Variants in MAST4 observed in about 807,000 individuals in gnomAD.
MAST4 encodes the protein microtubule associated serine/threonine kinase family member 4.
MAST4 carries 89 observed loss-of-function variants against 162.7 expected under a neutral mutation model. That is an observed-to-expected ratio of 0.55 (90% CI 0.46 to 0.65). The LOEUF (loss-of-function observed/expected upper bound fraction) is 0.65, where lower values mean the gene tolerates loss of function less well. Ranked by LOEUF, MAST4 falls within the 30% of genes least tolerant of loss-of-function variation. The probability of loss-of-function intolerance (pLI) is 0.00; values close to 1 mark genes in which losing one functional copy is unlikely to be tolerated. For synonymous variants in MAST4, 1,479 were observed against 1,361.1 expected, an observed-to-expected ratio of 1.09 and a Z score of -1.91; for missense variants, 3,153 against 3,374.0, an observed-to-expected ratio of 0.93 and a Z score of 1.62.
rs367759675 is a variant in MAST4 at position 66,815,954 on chromosome 5, A to G, written c.642+27160A>G. Among the ~76,000 whole-genome samples, 19 of 152,274 alleles carry G rather than the reference A, an allele frequency of 1.2e-4. No individual in the cohort carries two copies. In the East Asian group the frequency reaches 3.7e-3, roughly 29 times the overall value. ...AGAAACCTCAAGGAGGAAAAGGAGG[A>G]GGAACCTGTTAGCTTTTAATAATTG... On this transcript the variant is annotated intron_variant, in intron 3 of 28. Coordinates refer to ENST00000403625, the MANE Select transcript of MAST4 (RefSeq NM_001164664.2).
At chr5:66,820,524 G>A (rs1756942132) in intron 3 of MAST4, among the ~76,000 whole-genome samples, 1 of 152,168 alleles carries the variant, frequency 6.6e-6, no homozygotes. Flanking sequence ...TAGACATGAA[G>A]GGACATAATT....
intron 4 of MAST4, among the ~76,000 whole-genome samples, chr5:66,963,127 GATAAA>G (rs1471332107): frequency 3.3e-5 from 5 of 152,092 alleles, no homozygotes; most frequent in African/African-American, 1.2e-4. Context: ...CTCTCTGGAA[GATAAA>G]ATAATATATA....
At chr5:66,616,119 A>G (rs560781003) in intron 1 of MAST4, among the ~76,000 whole-genome samples, 32 of 152,336 alleles carry the variant, frequency 2.1e-4, no homozygotes, top group African/African-American at 7.0e-4. Flanking sequence ...GGAAAACTTT[A>G]TTTTGTAGCT....
chr5:66,789,179 C>T (rs1279026622), intron 3 of MAST4, among the ~76,000 whole-genome samples: 2 of 152,090 alleles, frequency 1.3e-5, no homozygotes, highest in Non-Finnish European at 2.9e-5. Flanking sequence ...TTTCCTTTCT[C>T]TTTGTCTATG....
At chr5:67,140,095 G>A (rs919987243) in intron 19 of MAST4, among the ~76,000 whole-genome samples, 1 of 152,164 alleles carries the variant, frequency 6.6e-6, no homozygotes, top group Admixed American at 6.5e-5. Context: ...TGATAAAATC[G>A]AGCAACCCAA....
intron 1 of MAST4, among the ~76,000 whole-genome samples, chr5:66,689,847 G>C (rs1327981061): frequency 6.6e-6 from 1 of 152,194 alleles, no homozygotes; most frequent in Non-Finnish European, 1.5e-5. Flanking sequence ...GTGCGAGAAG[G>C]TGATGCCATC....
chr5:66,848,756 T>A (rs1165023222), intron 3 of MAST4, among the ~76,000 whole-genome samples: 2 of 152,202 alleles, frequency 1.3e-5, no homozygotes. Context: ...CTTCCTCTTC[T>A]CTCCAGTGTG....
intron 1 of MAST4, among the ~76,000 whole-genome samples, chr5:66,666,165 G>T (rs567776430): frequency 6.6e-6 from 1 of 152,246 alleles, no homozygotes; most frequent in African/African-American, 2.4e-5. Context: ...CTTTGTATTA[G>T]TCTTACATTT....
At chr5:67,094,354 G>A (rs530491253) in intron 6 of MAST4, among the ~76,000 whole-genome samples, 2 of 152,204 alleles carry the variant, frequency 1.3e-5, no homozygotes, top group Admixed American at 6.5e-5. Flanking sequence ...TAACTGTGAC[G>A]TTTCTCAAAT....
chr5:66,886,640 A>G (rs1435662516), intron 3 of MAST4, among the ~76,000 whole-genome samples: 2 of 150,460 alleles, frequency 1.3e-5, no homozygotes, highest in Admixed American at 6.7e-5. Flanking sequence ...GTGTAAAAAC[A>G]CATACTTCCT....
At chr5:66,781,533 C>A (rs558281735) in intron 2 of MAST4, among the ~76,000 whole-genome samples, 1 of 152,258 alleles carries the variant, frequency 6.6e-6, no homozygotes, top group South Asian at 2.1e-4. Flanking sequence ...GTTCTTCCTG[C>A]CTTCCTTTTA....
chr5:66,861,687 T>C (rs1290289900), intron 3 of MAST4, among the ~76,000 whole-genome samples: 1 of 152,234 alleles, frequency 6.6e-6, no homozygotes, highest in African/African-American at 2.4e-5. Context: ...CAGTGTGACC[T>C]AAACATGAAT....
chr5:67,166,250 C>G lies in MAST4; in HGVS notation c.7071C>G (p.Ser2357Arg). The G allele has an allele frequency of 6.4e-7, 1 of 1,552,780 alleles. No homozygotes were observed. Among genetic ancestry groups the G allele is most frequent in the Non-Finnish European group, 8.7e-7 (1 of 1,147,554 alleles). Residue 2357 changes from serine to arginine, a missense_variant, in exon 29 of 29, where the codon AGC becomes AGG. This residue lies in a region of MAST4 where 1,644 missense variants were observed against 1,495.0 expected (regional missense o/e 1.10). Coordinates refer to ENST00000403625, the MANE Select transcript of MAST4 (RefSeq NM_001164664.2). The stretch of plus-strand genomic sequence containing the variant: ...CAGACAACAGACAGACAGACAAAAG[C>G]CCGAGTCAGCCGGCCGCCAACACCG... ...KQTDNRQTDK[S>R]PSQPAANTDR...
chr5:66,935,244 T>C (rs1426509868), intron 4 of MAST4, among the ~76,000 whole-genome samples: 1 of 152,162 alleles, frequency 6.6e-6, no homozygotes, highest in East Asian at 1.9e-4. Flanking sequence ...CAAGTAAAGG[T>C]CTGAGACAGG....
intron 4 of MAST4, among the ~76,000 whole-genome samples, chr5:67,009,047 T>A (rs1752366938): frequency 6.6e-6 from 1 of 152,178 alleles, no homozygotes; most frequent in Admixed American, 6.5e-5. Context: ...CCCAATTAAC[T>A]CCACATTTAT....
At chr5:66,980,743 G>A (rs927560924) in intron 4 of MAST4, among the ~76,000 whole-genome samples, 8 of 152,176 alleles carry the variant, frequency 5.3e-5, no homozygotes, top group East Asian at 3.8e-4. Flanking sequence ...TTTACGTAGC[G>A]TGTCTCTCTT....
At chr5:66,912,765 G>C (rs973136352) in intron 4 of MAST4, among the ~76,000 whole-genome samples, 4 of 152,022 alleles carry the variant, frequency 2.6e-5, no homozygotes, top group Non-Finnish European at 5.9e-5. Flanking sequence ...GAAAGATGTT[G>C]GTTGGTCATA....
intron 3 of MAST4, among the ~76,000 whole-genome samples, chr5:66,818,566 A>G (rs114056935): frequency 0.039 from 5,913 of 152,126 alleles, 176 homozygotes; most frequent in South Asian, 0.13. Flanking sequence ...ACTTCTTCCT[A>G]TGTATATCTC....
chr5:66,806,647 T>G lies in MAST4; in HGVS notation c.642+17853T>G, dbSNP rs115363289. Among the ~76,000 whole-genome samples the G allele has an allele frequency of 2.1e-3, 320 of 152,344 alleles. 1 individual carries two copies. Among genetic ancestry groups the G allele is most frequent in the South Asian group, 5.8e-3 (28 of 4,832 alleles). On this transcript the variant is annotated intron_variant, in intron 3 of 28. Coordinates refer to ENST00000403625, the MANE Select transcript of MAST4 (RefSeq NM_001164664.2). ...ATTCTTTATTGAATATTTTCTATCA[T>G]AAGTTGAAAAATTCCTAGACAATTT...
Sources: allele counts gnomAD v4.1 joint callset (sites outside exome capture counted in the v4.1 genomes callset), GRCh38; gene constraint gnomAD v4.1.1; regional missense constraint gnomAD v4.1.1; transcripts MANE v1.5; gene names NCBI Gene and HGNC (gene_info 2026-07-23, HGNC 2026-07-21).